PRPF6: variants seen among roughly 807,000 people sequenced by gnomAD.
PRPF6 encodes pre-mRNA processing factor 6.
In PRPF6, 42 loss-of-function variants were observed where a neutral mutation model predicts 118.3. The observed-to-expected ratio is 0.35, with a 90% CI of 0.28 to 0.46. PRPF6 has a LOEUF of 0.46. PRPF6 is among the 20% of genes least tolerant of loss of function. The probability of loss-of-function intolerance (pLI) is 1.00; values close to 1 mark genes in which losing one functional copy is unlikely to be tolerated. For synonymous variants in PRPF6, 481 were observed against 485.1 expected, an observed-to-expected ratio of 0.99 and a Z score of 0.11; for missense variants, 662 against 1,255.7, an observed-to-expected ratio of 0.53 and a Z score of 7.15.
chr20:63,991,675 A>G (rs1291640386), intron 3 of PRPF6, among the ~76,000 whole-genome samples: 1 of 152,034 alleles, frequency 6.6e-6, no homozygotes, highest in Non-Finnish European at 1.5e-5. Context: ...CTGTAATCCC[A>G]GCTACTCAGG....
In PRPF6 at chr20:64,029,283, C is replaced by T; in HGVS notation, c.2432-94C>T. 8.9e-7 allele frequency: 1 copy of T among 1,127,822 alleles called. No individual in the cohort carries two copies. The highest frequency in any genetic ancestry group is 1.3e-6 in the Non-Finnish European group (1 of 744,968). 69.9% of individuals were successfully genotyped at this position (1,127,822 alleles called of 1,614,324 possible). ...GTGTGTGGGAGGCCCCTGTCGTGGT[C>T]TGAGGACGTCCCGGGTTAGAATCTG... On this transcript the variant is annotated intron_variant, in intron 18 of 20. Transcript: ENST00000266079. The surrounding 1 kb of genome is among the most constrained non-coding windows in gnomAD (Gnocchi z 4.8).
rs2059217293 is a variant in PRPF6 at position 64,011,534 on chromosome 20, C to CT, written c.1524+34dup. On this transcript the variant is annotated intron_variant, in intron 11 of 20. Transcript: ENST00000266079. This position sits in a 1 kb window ranked among gnomAD's most constrained non-coding sequence, Gnocchi z 6.7. Reference sequence around the variant, plus strand: ...CCGCAGGCGGGTGTCGTGGTGTCTGCTTTAACAGTGCACATGCAGCACGTG... The same window carrying CT: ...CCGCAGGCGGGTGTCGTGGTGTCTGCTTTTAACAGTGCACATGCAGCACGTG... The CT allele has an allele frequency of 2.5e-6, 4 of 1,592,650 alleles. No individual in the cohort carries two copies. Among genetic ancestry groups the CT allele is most frequent in the Non-Finnish European group, 3.4e-6 (4 of 1,169,736 alleles).
chr20:64,026,975 C>T lies in PRPF6; in HGVS notation c.2029-7C>T, dbSNP rs1284122500. 3 of 1,613,630 alleles carry T rather than the reference C, an allele frequency of 1.9e-6. No homozygotes were observed. The highest frequency in any genetic ancestry group is 1.3e-5 in the African/African-American group (1 of 74,894). On this transcript the variant is annotated splice_polypyrimidine_tract_variant and splice_region_variant and intron_variant, in intron 15 of 20. Coordinates refer to ENST00000266079, the MANE Select transcript of PRPF6 (RefSeq NM_012469.4). The surrounding 1 kb of genome is among the most constrained non-coding windows in gnomAD (Gnocchi z 4.4). ...GCCCTGCGTGACAGTGCATGTCTGC[C>T]CCACAGGTGTTCATGAAGTCTGTGA... is the stretch of plus-strand genomic sequence containing the variant.
At chr20:64,018,370 C>T (rs1252650439) in intron 12 of PRPF6, among the ~76,000 whole-genome samples, 3 of 151,960 alleles carry the variant, frequency 2.0e-5, no homozygotes, top group Admixed American at 6.6e-5. Context: ...CTGTAGACTC[C>T]TCTTTCATCT....
At chr20:64,021,724 CGT>C (rs1601529825) in intron 12 of PRPF6, among the ~76,000 whole-genome samples, 1 of 109,220 alleles carries the variant, frequency 9.2e-6, no homozygotes, top group Non-Finnish European at 1.8e-5. Context: ...GCCACAGCCC[CGT>C]GTGTGTGCGT....
intron 12 of PRPF6, among the ~76,000 whole-genome samples, chr20:64,020,643 G>GA (rs1425601936): frequency 6.6e-6 from 1 of 151,734 alleles, no homozygotes; most frequent in African/African-American, 2.4e-5. Context: ...TGAGTATAGG[G>GA]AAAAAAAAGC....
chr20:64,029,513 T>C lies in PRPF6; in HGVS notation c.2546+22T>C, dbSNP rs1407449352. Reference sequence around the variant, plus strand: ...CCAAGTGAGTGGGGCCCCCACAGGATTGCTGAACCTCGGGGTCCTAATGGG... The same window carrying C: ...CCAAGTGAGTGGGGCCCCCACAGGACTGCTGAACCTCGGGGTCCTAATGGG... On this transcript the variant is annotated intron_variant, in intron 19 of 20. Transcript: ENST00000266079. The surrounding 1 kb of genome is among the most constrained non-coding windows in gnomAD (Gnocchi z 4.8). The C allele has an allele frequency of 1.9e-6, 3 of 1,598,046 alleles. No homozygotes were observed. Among genetic ancestry groups the C allele is most frequent in the African/African-American group, 2.7e-5 (2 of 74,626 alleles).
intron 20 of PRPF6, 106 bp from the exon 21 acceptor site, chr20:64,032,735 G>T (rs1601536972): frequency 7.0e-7 from 1 of 1,435,964 alleles, no homozygotes; most frequent in East Asian, 2.5e-5. Flanking sequence ...GCCAGTTGGG[G>T]TTGGTGCTGC....
At position 63,998,086 on chromosome 20, in the gene PRPF6, T is replaced by TA. The variant is rs1340664379; in HGVS notation, c.772-957dup. Among the ~76,000 whole-genome samples the TA allele has an allele frequency of 2.0e-5, 3 of 152,156 alleles. No homozygotes were observed. In the East Asian group the frequency reaches 5.8e-4, roughly 29 times the overall value. On this transcript the variant is annotated intron_variant, in intron 6 of 20. Transcript: ENST00000266079. Reference sequence around the variant, plus strand: ...ACCCTGCTTTCTATTCTTTCTTTTTTAATAAAAATTTTATTTATTTTTTTT... The same window carrying TA: ...ACCCTGCTTTCTATTCTTTCTTTTTTAAATAAAAATTTTATTTATTTTTTTT...
At chr20:63,998,776 A>C (rs1026148923) in intron 6 of PRPF6, among the ~76,000 whole-genome samples, 33 of 150,294 alleles carry the variant, frequency 2.2e-4, no homozygotes, top group African/African-American at 7.1e-4. Flanking sequence ...TGGGAGGTGG[A>C]GCTTGCAGTG....
At chr20:64,032,793 G>A (rs1318250606) in intron 20 of PRPF6, 48 bp from the exon 21 acceptor site, 1 of 1,567,928 alleles carries the variant, frequency 6.4e-7, no homozygotes, top group East Asian at 2.4e-5. Flanking sequence ...GAGGTCCGGG[G>A]AGTAGCGTGG....
rs113615917 is a variant in PRPF6 at position 64,008,341 on chromosome 20, G to A, written c.1187-1859G>A. On this transcript the variant is annotated intron_variant, in intron 9 of 20. Transcript: ENST00000266079. The stretch of plus-strand genomic sequence containing the variant: ...TGTGAGATTGTTTCATGTGGGTCTC[G>A]TTTCCTGTATCCTCTGTTTCCTGTA... 8.0e-3 allele frequency among the ~76,000 whole-genome samples: 1,184 copies of A among 147,916 alleles called. 20 individuals carry two copies. The highest frequency in any genetic ancestry group is 0.03 in the African/African-American group (1,119 of 37,452).
At chr20:63,982,775 G>C (rs1006319251) in intron 1 of PRPF6, among the ~76,000 whole-genome samples, 1 of 152,150 alleles carries the variant, frequency 6.6e-6, no homozygotes, top group Non-Finnish European at 1.5e-5. Context: ...GGCCAAGTTG[G>C]GTTTAAGGGC....
In PRPF6 at chr20:63,992,522, G is replaced by A. The variant is rs138077615; in HGVS notation, c.360-885G>A. 2.8e-3 allele frequency among the ~76,000 whole-genome samples: 433 copies of A among 152,250 alleles called. 3 individuals are homozygous for A. The highest frequency in any genetic ancestry group is 0.01 in the African/African-American group (416 of 41,550). On this transcript the variant is annotated intron_variant, in intron 3 of 20. Coordinates refer to ENST00000266079, the MANE Select transcript of PRPF6 (RefSeq NM_012469.4). ...TCTGCCCACCTCGGCCTCCCAAAGC[G>A]TTGGGATTACAGGTGTAAGCCACCA...
At chr20:63,981,393 G>C in intron 1 of PRPF6, 77 bp downstream of exon 1, 1 of 1,389,812 alleles carries the variant, frequency 7.2e-7, no homozygotes, top group Admixed American at 2.2e-5. Context: ...TTTGGGGGCG[G>C]GGGTCTATGG....
At chr20:64,013,344 T>C (rs565636366) in intron 11 of PRPF6, among the ~76,000 whole-genome samples, 42 of 152,268 alleles carry the variant, frequency 2.8e-4, no homozygotes, top group Admixed American at 1.8e-3. Context: ...ACCCACTGAG[T>C]TATGTTTCTC....
chr20:64,021,958 T>C (rs972414771), intron 12 of PRPF6, among the ~76,000 whole-genome samples: 5 of 146,342 alleles, frequency 3.4e-5, no homozygotes, highest in Non-Finnish European at 5.9e-5. Context: ...TGTGTGTGTG[T>C]GCACGTATGC....
chr20:63,981,251 CAAG>C lies in PRPF6; in HGVS notation c.15_17del (p.Lys6del). 2 of 1,608,424 alleles carry C rather than the reference CAAG, an allele frequency of 1.2e-6. No homozygotes were observed. The highest frequency in any genetic ancestry group is 1.7e-4 in the Middle Eastern group (1 of 6,058). ...CCTTGGTCGTCGCCGCCACCATGAA[CAAG>C]AAGAAGAAACCGTTCCTAGGGATGC... is the stretch of plus-strand genomic sequence containing the variant. On this transcript the variant is annotated inframe_deletion, in exon 1 of 21. Coordinates refer to ENST00000266079, the MANE Select transcript of PRPF6 (RefSeq NM_012469.4).
chr20:64,024,542 T>G lies in PRPF6; in HGVS notation c.1770-13T>G. On this transcript the variant is annotated splice_polypyrimidine_tract_variant and intron_variant, in intron 13 of 20. Coordinates refer to ENST00000266079, the MANE Select transcript of PRPF6 (RefSeq NM_012469.4). ...GGCCCTGCCTCTGGTGACCGTGGCC[T>G]CTTATCTTGCAGGGAGTCCCTGGAA... The G allele has an allele frequency of 1.9e-6, 3 of 1,613,306 alleles. No homozygotes were observed. The highest frequency in any genetic ancestry group is 2.5e-6 in the Non-Finnish European group (3 of 1,179,988).
Sources: allele counts gnomAD v4.1 joint callset (sites outside exome capture counted in the v4.1 genomes callset), GRCh38; gene constraint gnomAD v4.1.1; non-coding constraint Gnocchi (gnomAD v3.1); transcripts MANE v1.5; gene names NCBI Gene and HGNC (gene_info 2026-07-23, HGNC 2026-07-21).